GABRR2: variants seen among roughly 807,000 people sequenced by gnomAD.
The protein encoded by GABRR2 is gamma-aminobutyric acid type A receptor subunit rho2.
GABRR2 carries 36 observed loss-of-function variants against 47.0 expected under a neutral mutation model. That is an observed-to-expected ratio of 0.77 (90% CI 0.59 to 1.01). The LOEUF (loss-of-function observed/expected upper bound fraction) is 1.01. GABRR2 is among the 50% of genes least tolerant of loss of function. GABRR2 has a pLI of 0.00. For missense variants in GABRR2, 587 were observed against 594.6 expected (o/e 0.99, Z 0.13); for synonymous variants, 204 against 227.5 (o/e 0.90, Z 0.93).
At chr6:89,277,964 C>G (rs1265545959) in intron 2 of GABRR2, among the ~76,000 whole-genome samples, 1 of 152,080 alleles carries the variant, frequency 6.6e-6, no homozygotes, top group Non-Finnish European at 1.5e-5. Context: ...AGGGACTCTA[C>G]TTCGAGAAAT....
intron 3 of GABRR2, among the ~76,000 whole-genome samples, chr6:89,270,013 TGGTG>T (rs1369719572): frequency 6.6e-6 from 1 of 152,166 alleles, no homozygotes; most frequent in Non-Finnish European, 1.5e-5. Context: ...TTCGTGGTTG[TGGTG>T]GGCCCAGAGG....
At chr6:89,297,775 C>T (rs1438800141) in intron 2 of GABRR2, among the ~76,000 whole-genome samples, 1 of 152,118 alleles carries the variant, frequency 6.6e-6, no homozygotes, top group African/African-American at 2.4e-5. Context: ...ATCGCTTGAA[C>T]CTGAGAGGCA....
In GABRR2 at chr6:89,257,448, A is replaced by G. The variant is rs1773624239; in HGVS notation, c.*222T>C. ...AACAGAAGGTCCCAGAGAGATGTGA[A>G]GTGTGACGCGAGACAGCATGAACAT... is the stretch of plus-strand genomic sequence containing the variant. On this transcript the variant is annotated 3_prime_UTR_variant, in exon 9 of 9. Transcript: ENST00000402938. 10 of 562,150 alleles carry G rather than the reference A, an allele frequency of 1.8e-5. No homozygotes were observed. The highest frequency in any genetic ancestry group is 3.2e-5 in the Admixed American group (1 of 31,092). The allele number at this position is 562,150 out of a possible 1,614,324, so 34.8% of individuals were successfully genotyped here. A position where few individuals can be genotyped will look rare whatever the true frequency, so the allele number is the denominator to read the frequency against.
intron 2 of GABRR2, among the ~76,000 whole-genome samples, chr6:89,277,267 G>A (rs1388737143): frequency 2.0e-5 from 3 of 152,152 alleles, no homozygotes; most frequent in Non-Finnish European, 2.9e-5. Flanking sequence ...TGAAGAAGGT[G>A]CCTTGCTTCT....
At chr6:89,258,728 T>A (rs535232100) in intron 8 of GABRR2, among the ~76,000 whole-genome samples, 3,247 of 140,392 alleles carry the variant, frequency 0.023, 46 homozygotes, top group Middle Eastern at 0.049. Context: ...CTCTTTTTTT[T>A]AAAAAAAAAA....
intron 2 of GABRR2, among the ~76,000 whole-genome samples, chr6:89,289,115 A>G (rs375752680): frequency 1.3e-5 from 2 of 152,376 alleles, no homozygotes; most frequent in African/African-American, 4.8e-5. Flanking sequence ...TGAGTCCGTC[A>G]GAAGGAGCAA....
rs372554116 is a variant in GABRR2, at chr6:89,256,519, C to T, written c.*1151G>A. On this transcript the variant is annotated 3_prime_UTR_variant, in exon 9 of 9. Coordinates refer to ENST00000402938, the MANE Select transcript of GABRR2 (RefSeq NM_002043.5). ...AGTTGCTGTGTAGTAAAGGACTAAC[C>T]TTTACTAGGAAGCAACCTCTATGCC... 1.3e-5 allele frequency among the ~76,000 whole-genome samples: 2 copies of T among 152,082 alleles called. No individual in the cohort carries two copies. The highest frequency in any genetic ancestry group is 4.8e-5 in the African/African-American group (2 of 41,390).
At chr6:89,261,383 A>G (rs1167451744) in intron 8 of GABRR2, among the ~76,000 whole-genome samples, 1 of 152,234 alleles carries the variant, frequency 6.6e-6, no homozygotes, top group Non-Finnish European at 1.5e-5. Context: ...CTAAAAATAA[A>G]GTTCTAAGCC....
chr6:89,301,903 G>A, intron 1 of GABRR2: 2 of 1,097,434 alleles, frequency 1.8e-6, no homozygotes, highest in Non-Finnish European at 2.8e-6. Context: ...GGGGAACTCG[G>A]ACTTGGAGCT....
At chr6:89,268,195 T>G in intron 4 of GABRR2, 99 bp from the exon 5 acceptor site, 1 of 793,482 alleles carries the variant, frequency 1.3e-6, no homozygotes, top group Non-Finnish European at 2.2e-6. Flanking sequence ...AGTAGCTGCC[T>G]CCTCACATCT....
chr6:89,304,925 A>G (rs1767532890), intron 1 of GABRR2, among the ~76,000 whole-genome samples: 1 of 152,256 alleles, frequency 6.6e-6, no homozygotes, highest in Non-Finnish European at 1.5e-5. Flanking sequence ...TCTACCCAGC[A>G]ATCTCATTAC....
chr6:89,257,904 G>C lies in GABRR2; in HGVS notation c.1164C>G (p.Ser388Arg). Residue 388 changes from serine to arginine, a missense_variant, in exon 9 of 9, where the codon AGC (serine) becomes AGG (arginine). Ser to Arg is a moderately radical substitution (Grantham distance 110, BLOSUM62 -1). Transcript: ENST00000402938. ...DGSYSESEAN[S>R]LAGYPRSHIL... ...TATGGCTTCTGGGGTACCCAGCCAG[G>C]CTGTTGGCCTCAGACTCACTGTAGC... The C allele has an allele frequency of 6.2e-7, 1 of 1,614,032 alleles. No individual in the cohort carries two copies. The highest frequency in any genetic ancestry group is 1.3e-5 in the African/African-American group (1 of 75,058).
chr6:89,288,257 G>T (rs1774365379), intron 2 of GABRR2, among the ~76,000 whole-genome samples: 1 of 151,584 alleles, frequency 6.6e-6, no homozygotes, highest in Admixed American at 6.6e-5. Context: ...AAAGCATCTG[G>T]GGTGGGGTGG....
At chr6:89,302,523 G>C in intron 1 of GABRR2, 3 of 816,618 alleles carry the variant, frequency 3.7e-6, no homozygotes, top group Non-Finnish European at 5.9e-6. Context: ...ATGCGGACCT[G>C]CACAAGCTGG....
At chr6:89,291,606 C>G (rs1283699355) in intron 2 of GABRR2, among the ~76,000 whole-genome samples, 1 of 152,108 alleles carries the variant, frequency 6.6e-6, no homozygotes, top group African/African-American at 2.4e-5. Context: ...CACTGGGTAT[C>G]CTTCCAGATT....
At chr6:89,302,740 T>C (rs1582463831) in intron 1 of GABRR2, 9 of 1,414,330 alleles carry the variant, frequency 6.4e-6, no homozygotes, top group Non-Finnish European at 8.8e-6. Flanking sequence ...ATGAAGGAGG[T>C]GGACGAGCAG....
chr6:89,268,940 A>G (rs1773976694), intron 4 of GABRR2, 71 bp downstream of exon 4: 2 of 1,391,394 alleles, frequency 1.4e-6, no homozygotes, highest in Non-Finnish European at 2.0e-6. Context: ...GACAGTCTTC[A>G]GGGCCAAAGG....
chr6:89,265,482 C>T, intron 7 of GABRR2, 131 bp downstream of exon 7: 1 of 987,960 alleles, frequency 1.0e-6, no homozygotes, highest in Admixed American at 3.1e-5. Context: ...AGGCAAGAAA[C>T]ATGAAGTTGC....
At position 89,257,641 on chromosome 6, in the gene GABRR2, G is replaced by A. The variant is rs761240859; in HGVS notation, c.*29C>T. The A allele has an allele frequency of 2.7e-5, 42 of 1,569,240 alleles. No individual in the cohort carries two copies. The highest frequency in any genetic ancestry group is 3.7e-5 in the Non-Finnish European group (42 of 1,150,344). On this transcript the variant is annotated 3_prime_UTR_variant, in exon 9 of 9. Transcript: ENST00000402938. ...CTGGCCAGGCCCCCTCGATGTCTATGCCCTCTTCTAGGAACAGCCTTGGAG... is the reference window on the plus strand; with the variant it reads ...CTGGCCAGGCCCCCTCGATGTCTATACCCTCTTCTAGGAACAGCCTTGGAG...
Sources: gnomAD v4.1 joint callset for allele counts (sites outside exome capture counted in the v4.1 genomes callset) on GRCh38, gnomAD v4.1.1 for gene constraint, MANE v1.5 for transcripts, NCBI Gene and HGNC (gene_info 2026-07-23, HGNC 2026-07-21) for gene names.